STAG1: variants seen among roughly 807,000 people sequenced by gnomAD.
The protein encoded by STAG1 is STAG1 cohesin complex component.
In STAG1, 26 loss-of-function variants were observed where a neutral mutation model predicts 170.9. The observed-to-expected ratio is 0.15, with a 90% CI of 0.11 to 0.21. The LOEUF (loss-of-function observed/expected upper bound fraction) is 0.21. Ranked by LOEUF, STAG1 falls within the 10% of genes least tolerant of loss-of-function variation. The probability of loss-of-function intolerance (pLI) is 1.00; values close to 1 mark genes in which losing one functional copy is unlikely to be tolerated. For missense variants in STAG1, 964 were observed against 1,509.5 expected (o/e 0.64, Z 5.99); for synonymous variants, 514 against 497.7 (o/e 1.03, Z -0.44).
chr3:136,568,587 CAAGAACAA>C (rs1285736403), intron 5 of STAG1, among the ~76,000 whole-genome samples, 170 bp downstream of exon 5: 1 of 151,960 alleles, frequency 6.6e-6, no homozygotes, highest in African/African-American at 2.4e-5. Context: ...CAAAACTGAA[CAAGAACAA>C]AAATGGAATA....
chr3:136,358,712 C>G (rs1016317676), intron 27 of STAG1, among the ~76,000 whole-genome samples: 5 of 152,102 alleles, frequency 3.3e-5, no homozygotes, highest in African/African-American at 9.7e-5. Context: ...GTAGCTAGGA[C>G]TGCAGGCACA....
At chr3:136,342,811 T>C (rs574963936) in intron 30 of STAG1, among the ~76,000 whole-genome samples, 1 of 152,140 alleles carries the variant, frequency 6.6e-6, no homozygotes, top group East Asian at 1.9e-4. Flanking sequence ...GAATGACAAA[T>C]GGTAGGGTCA....
In STAG1 at chr3:136,336,509, G is replaced by A. The variant is rs1650432145; in HGVS notation, c.*1745C>T. ...TCACGCAAAGGATCAATTTGTGCAT[G>A]TGCCAGGGCACCTCATGGCTTGCTC... On this transcript the variant is annotated 3_prime_UTR_variant, in exon 34 of 34. Coordinates refer to ENST00000383202, the MANE Select transcript of STAG1 (RefSeq NM_005862.3). 1 of 152,210 alleles carries A rather than the reference G, an allele frequency of 6.6e-6. No homozygotes were observed. Among genetic ancestry groups the A allele is most frequent in the African/African-American group, 2.4e-5 (1 of 41,446 alleles). The allele number at this position is 152,210 out of a possible 1,614,324, so 9.4% of individuals were successfully genotyped here.
chr3:136,412,023 AAAACAAAC>A (rs138662410), intron 21 of STAG1, among the ~76,000 whole-genome samples: 8 of 151,428 alleles, frequency 5.3e-5, no homozygotes, highest in Non-Finnish European at 1.0e-4. Flanking sequence ...CTTCGTCTAA[AAAACAAAC>A]AAACAAACAA....
Position 136,626,074 on chromosome 3 carries a change from A to G in STAG1, c.30-2826T>C, listed in dbSNP as rs1009366726. Among the ~76,000 whole-genome samples, 4 of 151,834 alleles carry G rather than the reference A, an allele frequency of 2.6e-5. No individual in the cohort carries two copies. In the East Asian group the frequency reaches 5.8e-4, roughly 22 times the overall value. ...TCTCAAAAACAAACAAAACAAAACA[A>G]CAAAAATGAAACTATAAATAATATT... On this transcript the variant is annotated intron_variant, in intron 2 of 33. Coordinates refer to ENST00000383202, the MANE Select transcript of STAG1 (RefSeq NM_005862.3).
chr3:136,749,403 T>C (rs899757519), intron 1 of STAG1, among the ~76,000 whole-genome samples: 2 of 152,154 alleles, frequency 1.3e-5, no homozygotes, highest in Non-Finnish European at 2.9e-5. Context: ...GATGGGGACT[T>C]CAGTCACACT....
intron 14 of STAG1, among the ~76,000 whole-genome samples, chr3:136,444,944 T>C (rs1311152075): frequency 2.0e-5 from 3 of 152,014 alleles, no homozygotes; most frequent in African/African-American, 7.3e-5. Context: ...CACTGCAGCC[T>C]TGACTTCCTG....
At chr3:136,362,114 C>A (rs1199844856) in intron 26 of STAG1, among the ~76,000 whole-genome samples, 1 of 151,548 alleles carries the variant, frequency 6.6e-6, no homozygotes, top group Non-Finnish European at 1.5e-5. Context: ...CCCGCCACCA[C>A]GCTTGGCTAA....
At chr3:136,435,998 C>T (rs1192766959) in intron 15 of STAG1, among the ~76,000 whole-genome samples, 1 of 152,066 alleles carries the variant, frequency 6.6e-6, no homozygotes, top group Non-Finnish European at 1.5e-5. Flanking sequence ...TGCTCCATCG[C>T]CCAGGCCAGA....
chr3:136,737,630 T>TA (rs1362465224), intron 1 of STAG1, among the ~76,000 whole-genome samples: 1 of 152,256 alleles, frequency 6.6e-6, no homozygotes, highest in Non-Finnish European at 1.5e-5. Flanking sequence ...CAGTTAATGA[T>TA]ACCGCTTACT....
At chr3:136,714,767 G>C (rs1222395972) in intron 1 of STAG1, among the ~76,000 whole-genome samples, 9 of 149,160 alleles carry the variant, frequency 6.0e-5, no homozygotes, top group Admixed American at 6.0e-4. Context: ...AAATTAGCTG[G>C]GCATGGTGGC....
At chr3:136,713,536 T>TC (rs1280612787) in intron 1 of STAG1, among the ~76,000 whole-genome samples, 2 of 149,444 alleles carry the variant, frequency 1.3e-5, no homozygotes, top group Non-Finnish European at 3.0e-5. Context: ...TGAGCCGAGA[T>TC]CATGCCACTG....
intron 14 of STAG1, among the ~76,000 whole-genome samples, chr3:136,450,069 C>A (rs1171452078): frequency 6.6e-6 from 1 of 151,986 alleles, no homozygotes; most frequent in Non-Finnish European, 1.5e-5. Context: ...CTCTAAAAAA[C>A]CTAAGGGAGG....
At chr3:136,687,410 C>T (rs1942566942) in intron 1 of STAG1, among the ~76,000 whole-genome samples, 1 of 151,546 alleles carries the variant, frequency 6.6e-6, no homozygotes, top group South Asian at 2.1e-4. Flanking sequence ...ATTATATTAC[C>T]ATATTTTTCT....
intron 4 of STAG1, among the ~76,000 whole-genome samples, chr3:136,572,230 T>C (rs1454216445): frequency 1.3e-5 from 2 of 150,396 alleles, no homozygotes; most frequent in Non-Finnish European, 3.0e-5. Context: ...TAAATAAAAA[T>C]AAAATGAATA....
At chr3:136,409,125 C>T (rs560041816) in intron 21 of STAG1, among the ~76,000 whole-genome samples, 89 of 151,972 alleles carry the variant, frequency 5.9e-4, no homozygotes, top group African/African-American at 1.8e-3. Flanking sequence ...ATTGGCTTGC[C>T]GTGGTGGCGG....
chr3:136,616,531 A>C (rs1419339823), intron 3 of STAG1, among the ~76,000 whole-genome samples: 2 of 152,188 alleles, frequency 1.3e-5, no homozygotes, highest in African/African-American at 2.4e-5. Context: ...GTGATCACAA[A>C]AGAGTGCACA....
intron 22 of STAG1, among the ~76,000 whole-genome samples, chr3:136,385,747 G>A (rs1009598081): frequency 5.3e-5 from 8 of 152,088 alleles, no homozygotes; most frequent in Non-Finnish European, 1.2e-4. Context: ...TGTCTCCCAG[G>A]CTGGAGTGCA....
At chr3:136,516,208 A>G (rs1307041484) in intron 7 of STAG1, among the ~76,000 whole-genome samples, 1 of 152,118 alleles carries the variant, frequency 6.6e-6, no homozygotes, top group Non-Finnish European at 1.5e-5. Context: ...GGGTCCTGAG[A>G]GCCAAAAGAT....
Sources: allele counts gnomAD v4.1 joint callset (sites outside exome capture counted in the v4.1 genomes callset), GRCh38; gene constraint gnomAD v4.1.1; transcripts MANE v1.5; gene names NCBI Gene and HGNC (gene_info 2026-07-23, HGNC 2026-07-21).